The following TRIM61 variants were observed in gnomAD, a reference collection of about 807,000 sequenced individuals.
TRIM61 encodes putative tripartite motif-containing protein 61.
TRIM61 carries 1 observed loss-of-function variant against 14.2 expected under a neutral mutation model. That is an observed-to-expected ratio of 0.07 (90% CI 0.03 to 0.33). TRIM61 has a LOEUF of 0.33. TRIM61 is among the 10% of genes least tolerant of loss of function. The probability of loss-of-function intolerance (pLI) is 0.99; values close to 1 mark genes in which losing one functional copy is unlikely to be tolerated. For synonymous variants in TRIM61, 8 were observed against 71.6 expected (o/e 0.11, Z 4.49); for missense variants, 19 against 202.2 (o/e 0.09, Z 5.49).
intron 3 of TRIM61, among the ~76,000 whole-genome samples, chr4:164,955,427 A>T (rs920971261): frequency 3.9e-5 from 6 of 152,050 alleles, no homozygotes; most frequent in Non-Finnish European, 8.8e-5. Flanking sequence ...TTCCAGGCTG[A>T]GCTCAATGGC....
At chr4:164,962,389 TTGTGTGTG>T (rs147058101) in intron 3 of TRIM61, among the ~76,000 whole-genome samples, 16 of 146,516 alleles carry the variant, frequency 1.1e-4, no homozygotes, top group East Asian at 2.0e-4. Context: ...CCTGGCTAAT[TTGTGTGTG>T]TGTGTGTGTG....
chr4:164,968,283 C>G (rs1223762144), intron 3 of TRIM61: 10 of 958,188 alleles, frequency 1.0e-5, no homozygotes, highest in African/African-American at 1.8e-5. Flanking sequence ...ATAAGAAATA[C>G]AGAAAAAAAT....
At chr4:164,955,599 C>T (rs1296120938) in intron 3 of TRIM61, among the ~76,000 whole-genome samples, 2 of 147,666 alleles carry the variant, frequency 1.4e-5, no homozygotes, top group African/African-American at 2.5e-5. Flanking sequence ...AACAAGTTTT[C>T]CAGAAGATAT....
intron 3 of TRIM61, among the ~76,000 whole-genome samples, chr4:164,966,808 G>A (rs530845902): frequency 5.8e-4 from 89 of 152,222 alleles, no homozygotes; most frequent in African/African-American, 2.1e-3. Context: ...AGCTACTTTG[G>A]GTGGAGAGGG....
intron 4 of TRIM61, chr4:164,954,966 TG>T: frequency 3.1e-6 from 1 of 323,798 alleles, no homozygotes; most frequent in Admixed American, 3.8e-5. Context: ...CTGGGCATGG[TG>T]GAGGGCACCT....
At chr4:164,955,658 T>A (rs1731970417) in intron 3 of TRIM61, among the ~76,000 whole-genome samples, 1 of 151,778 alleles carries the variant, frequency 6.6e-6, no homozygotes, top group African/African-American at 2.4e-5. Flanking sequence ...GAAATTGAGG[T>A]TGATTTTCCT....
intron 3 of TRIM61, among the ~76,000 whole-genome samples, chr4:164,967,611 A>C (rs1426588946): frequency 6.6e-6 from 1 of 152,160 alleles, no homozygotes; most frequent in Non-Finnish European, 1.5e-5. Flanking sequence ...TAAGAATGCC[A>C]TCTCATTTTC....
At chr4:164,961,434 A>G (rs1436006635) in intron 3 of TRIM61, among the ~76,000 whole-genome samples, 2 of 151,920 alleles carry the variant, frequency 1.3e-5, no homozygotes, top group Non-Finnish European at 2.9e-5. Flanking sequence ...ACTGAAATAT[A>G]AAGTGAAAAG....
chr4:164,956,076 A>AT (rs1028534714), intron 3 of TRIM61, among the ~76,000 whole-genome samples: 3 of 152,112 alleles, frequency 2.0e-5, no homozygotes, highest in African/African-American at 4.8e-5. Context: ...TCGTTTATTT[A>AT]TTTTTTTGAG....
chr4:164,972,495 G>A (rs901912308), intron 2 of TRIM61, among the ~76,000 whole-genome samples: 6 of 118,736 alleles, frequency 5.1e-5, no homozygotes, highest in Non-Finnish European at 9.3e-5. Context: ...TTTGCCTATT[G>A]CTTTGTGTGT....
intron 3 of TRIM61, among the ~76,000 whole-genome samples, chr4:164,963,757 A>G (rs1560884512): frequency 6.6e-6 from 1 of 151,958 alleles, no homozygotes; most frequent in African/African-American, 2.4e-5. Context: ...AAAAAAAAAA[A>G]AAAAGAAATC....
At chr4:164,968,223 AATG>A (rs1732282596) in intron 3 of TRIM61, 55 bp downstream of exon 3, 1 of 983,348 alleles carries the variant, frequency 1.0e-6, no homozygotes, top group African/African-American at 1.7e-5. Flanking sequence ...GTCCAAGAGT[AATG>A]ATGAATGCCT....
intron 2 of TRIM61, among the ~76,000 whole-genome samples, chr4:164,973,795 T>C (rs933087319): frequency 1.1e-4 from 17 of 152,232 alleles, no homozygotes; most frequent in African/African-American, 3.9e-4. Context: ...TGAATCCACA[T>C]ACTTCTATTA....
At chr4:164,973,523 T>C (rs890334945) in intron 2 of TRIM61, among the ~76,000 whole-genome samples, 7 of 152,162 alleles carry the variant, frequency 4.6e-5, no homozygotes, top group Non-Finnish European at 5.9e-5. Flanking sequence ...AGAGATAAAA[T>C]ACAAACTGAG....
intron 3 of TRIM61, among the ~76,000 whole-genome samples, chr4:164,961,153 CAAAAAAAAAAAAAAAAAAAAAAAAAAAA>C (rs762554625): frequency 4.7e-4 from 15 of 31,722 alleles, no homozygotes; most frequent in Middle Eastern, 0.02. Flanking sequence ...AACTCTCAGG[CAAAAAAAAAAAAAAAAAAAAAAAAAAAA>C]AAAAAAAAAA....
intron 2 of TRIM61, among the ~76,000 whole-genome samples, chr4:164,975,681 G>A (rs944012339): frequency 6.6e-5 from 10 of 151,844 alleles, no homozygotes; most frequent in Admixed American, 5.2e-4. Context: ...AATGCACTGC[G>A]GAAAGCCACA....
chr4:164,967,334 G>T (rs992214750), intron 3 of TRIM61, among the ~76,000 whole-genome samples: 1 of 152,102 alleles, frequency 6.6e-6, no homozygotes, highest in African/African-American at 2.4e-5. Context: ...CCCATCAAAA[G>T]CTCGTCTTTT....
chr4:164,955,879 AG>A (rs1731975976), intron 3 of TRIM61, among the ~76,000 whole-genome samples: 1 of 152,084 alleles, frequency 6.6e-6, no homozygotes. Context: ...GGAAATTGGT[AG>A]AGGATGGAAA....
At chr4:164,962,366 G>A (rs1253692818) in intron 3 of TRIM61, among the ~76,000 whole-genome samples, 4 of 151,316 alleles carry the variant, frequency 2.6e-5, no homozygotes, top group African/African-American at 7.3e-5. Flanking sequence ...GACTACAGGC[G>A]CCTGCCACCA....
Sources: gnomAD v4.1 joint callset for allele counts (sites outside exome capture counted in the v4.1 genomes callset) on GRCh38, gnomAD v4.1.1 for gene constraint, MANE v1.5 for transcripts, NCBI Gene and HGNC (gene_info 2026-07-23, HGNC 2026-07-21) for gene names.